Variants in PPM1E observed in about 807,000 individuals in gnomAD.
PPM1E encodes protein phosphatase 1E.
In PPM1E, 20 loss-of-function variants were observed where a neutral mutation model predicts 65.9. That is an observed-to-expected ratio of 0.30 (90% CI 0.21 to 0.44). The LOEUF (loss-of-function observed/expected upper bound fraction) is 0.44, where lower values mean the gene tolerates loss of function less well. Among genes scored for constraint, PPM1E ranks in the 20% least tolerant of loss-of-function variants. The pLI is 1.00. For synonymous variants in PPM1E, 352 were observed against 374.9 expected, an observed-to-expected ratio of 0.94 and a Z score of 0.70; for missense variants, 713 against 953.1, an observed-to-expected ratio of 0.75 and a Z score of 3.32.
intron 1 of PPM1E, among the ~76,000 whole-genome samples, chr17:58,892,384 G>T (rs1314221453): frequency 6.6e-6 from 1 of 152,050 alleles, no homozygotes; most frequent in Non-Finnish European, 1.5e-5. Context: ...GACCAGCTGG[G>T]CAAACATAGC....
chr17:58,872,971 T>C (rs990787781), intron 1 of PPM1E, among the ~76,000 whole-genome samples: 1 of 152,218 alleles, frequency 6.6e-6, no homozygotes, highest in East Asian at 1.9e-4. Flanking sequence ...AGGCTTTTCC[T>C]AGTCATTTAC....
At chr17:58,771,870 C>T (rs879592944) in intron 1 of PPM1E, among the ~76,000 whole-genome samples, 6 of 152,046 alleles carry the variant, frequency 3.9e-5, no homozygotes, top group Admixed American at 2.6e-4. Flanking sequence ...CAGAGATAAA[C>T]GTGTTCCTTT....
At chr17:58,931,049 A>T (rs1293124076) in intron 1 of PPM1E, among the ~76,000 whole-genome samples, 1 of 141,430 alleles carries the variant, frequency 7.1e-6, no homozygotes, top group African/African-American at 2.6e-5. Flanking sequence ...CCCCATCTCT[A>T]CTAAAAATAC....
intron 1 of PPM1E, among the ~76,000 whole-genome samples, chr17:58,768,394 C>T (rs2049903818): frequency 6.6e-6 from 1 of 152,154 alleles, no homozygotes; most frequent in Admixed American, 6.6e-5. Flanking sequence ...CCCTGATTCT[C>T]TAAAGATACG....
At chr17:58,806,314 T>C in intron 1 of PPM1E, among the ~76,000 whole-genome samples, 1 of 151,900 alleles carries the variant, frequency 6.6e-6, no homozygotes, top group Non-Finnish European at 1.5e-5. Context: ...AGAAAATTAG[T>C]ATGATTAGAA....
rs773464201 is a variant in PPM1E at position 58,856,837 on chromosome 17, G to T, written c.465-98812G>T. On this transcript the variant is annotated intron_variant, in intron 1 of 6. Coordinates refer to ENST00000308249, the MANE Select transcript of PPM1E (RefSeq NM_014906.5). ...TGTGAGAAAATTTTCTGTTGTTTAA[G>T]TCACCCAGTCTGTGGTACTTTGTTA... Among the ~76,000 whole-genome samples the T allele has an allele frequency of 2.4e-4, 36 of 152,284 alleles. 1 individual carries two copies. Among genetic ancestry groups the T allele is most frequent in the South Asian group, 6.2e-4 (3 of 4,830 alleles).
chr17:58,910,220 G>A (rs1240081397), intron 1 of PPM1E, among the ~76,000 whole-genome samples: 1 of 151,810 alleles, frequency 6.6e-6, no homozygotes, highest in Non-Finnish European at 1.5e-5. Flanking sequence ...TTCAGTTTTG[G>A]AGGTTTCTAT....
chr17:58,795,807 A>C lies in PPM1E; in HGVS notation c.464+39346A>C, dbSNP rs560974274. Reference sequence around the variant, plus strand: ...GATTAGTGATGTTGAGTATTTTTTCATATGTTTGCTGGGTACATGTATGTC... The same window carrying C: ...GATTAGTGATGTTGAGTATTTTTTCCTATGTTTGCTGGGTACATGTATGTC... On this transcript the variant is annotated intron_variant, in intron 1 of 6. Transcript: ENST00000308249. 2.0e-5 allele frequency among the ~76,000 whole-genome samples: 3 copies of C among 152,262 alleles called. No homozygotes were observed. In the South Asian group the frequency reaches 6.2e-4, roughly 32 times the overall value.
intron 1 of PPM1E, among the ~76,000 whole-genome samples, chr17:58,936,790 A>G (rs1461839221): frequency 6.6e-6 from 1 of 152,212 alleles, no homozygotes; most frequent in Admixed American, 6.5e-5. Context: ...TTATCAACCC[A>G]TGGTATTTGA....
At chr17:58,882,951 CTTTTTT>C (rs549698099) in intron 1 of PPM1E, among the ~76,000 whole-genome samples, 1 of 98,836 alleles carries the variant, frequency 1.0e-5, no homozygotes, top group African/African-American at 3.9e-5. Context: ...TTATTACTTT[CTTTTTT>C]TTTTTTTTTT....
intron 1 of PPM1E, among the ~76,000 whole-genome samples, chr17:58,836,413 G>T (rs901133786): frequency 4.0e-5 from 6 of 151,486 alleles, no homozygotes; most frequent in Non-Finnish European, 7.4e-5. Flanking sequence ...AATGAGCCCA[G>T]GAGTTCAAGA....
At position 58,966,684 on chromosome 17, in the gene PPM1E, T is replaced by C. The variant is rs956834808; in HGVS notation, c.783+791T>C. On this transcript the variant is annotated intron_variant, in intron 3 of 6. Transcript: ENST00000308249. ...GCTTAATAACTATTTTCTTGTTATC[T>C]TTCTTTTCTTTTTCTATTAAATGTA... 4 of 154,152 alleles carry C rather than the reference T, an allele frequency of 2.6e-5. No homozygotes were observed. The Admixed American group carries it at 2.6e-4, about 10-fold the overall frequency. The allele number at this position is 154,152 out of a possible 1,614,324, so 9.5% of individuals were successfully genotyped here.
At chr17:58,902,843 G>T (rs2051513582) in intron 1 of PPM1E, among the ~76,000 whole-genome samples, 1 of 152,080 alleles carries the variant, frequency 6.6e-6, no homozygotes, top group Non-Finnish European at 1.5e-5. Flanking sequence ...GAAATGTATA[G>T]ATCCATATTG....
At chr17:58,814,365 C>T (rs2050396325) in intron 1 of PPM1E, among the ~76,000 whole-genome samples, 1 of 152,142 alleles carries the variant, frequency 6.6e-6, no homozygotes, top group Admixed American at 6.6e-5. Context: ...TAATAATTAA[C>T]ATTTCTGTAA....
intron 1 of PPM1E, among the ~76,000 whole-genome samples, chr17:58,829,304 A>G (rs2050575139): frequency 6.6e-6 from 1 of 151,740 alleles, no homozygotes; most frequent in Admixed American, 6.6e-5. Flanking sequence ...GGCCTCCCAA[A>G]CTGCTGAGAT....
chr17:58,904,976 G>A (rs965867145), intron 1 of PPM1E, among the ~76,000 whole-genome samples: 1 of 151,972 alleles, frequency 6.6e-6, no homozygotes, highest in South Asian at 2.1e-4. Flanking sequence ...GTGAGCCGAG[G>A]TCGTGCCATT....
intron 1 of PPM1E, among the ~76,000 whole-genome samples, chr17:58,794,041 C>A (rs969699765): frequency 2.6e-5 from 4 of 151,996 alleles, no homozygotes; most frequent in Non-Finnish European, 5.9e-5. Flanking sequence ...GTCCTGGGTT[C>A]AAGCAATTCT....
chr17:58,765,534 A>G (rs2049865744), intron 1 of PPM1E, among the ~76,000 whole-genome samples: 1 of 152,138 alleles, frequency 6.6e-6, no homozygotes, highest in African/African-American at 2.4e-5. Context: ...ATTGTGAACA[A>G]TGACAAGTTT....
chr17:58,921,498 G>A (rs1003867258), intron 1 of PPM1E, among the ~76,000 whole-genome samples: 4 of 150,616 alleles, frequency 2.7e-5, no homozygotes, highest in Non-Finnish European at 4.4e-5. Context: ...AGGCTAGGCA[G>A]CATAGTGAGA....
Sources: allele counts gnomAD v4.1 joint callset (sites outside exome capture counted in the v4.1 genomes callset), GRCh38; gene constraint gnomAD v4.1.1; transcripts MANE v1.5; gene names NCBI Gene and HGNC (gene_info 2026-07-23, HGNC 2026-07-21).